The following ZFR variants were observed in gnomAD, a reference collection of about 807,000 sequenced individuals.
ZFR encodes zinc finger RNA-binding protein.
A neutral mutation model predicts 130.7 loss-of-function variants in ZFR; 19 were observed. The observed-to-expected ratio is 0.15, with a 90% CI of 0.10 to 0.21. The LOEUF (loss-of-function observed/expected upper bound fraction) is 0.21, where lower values mean the gene tolerates loss of function less well. Ranked by LOEUF, ZFR falls within the 10% of genes least tolerant of loss-of-function variation. The pLI, the probability that ZFR is intolerant of heterozygous loss-of-function variation, is 1.00. For synonymous variants in ZFR, 466 were observed against 456.9 expected (o/e 1.02, Z -0.25); for missense variants, 872 against 1,321.5 (o/e 0.66, Z 5.27).
chr5:32,391,539 T>A (rs999001562), intron 11 of ZFR, among the ~76,000 whole-genome samples: 1 of 151,856 alleles, frequency 6.6e-6, no homozygotes, highest in African/African-American at 2.4e-5. Context: ...TTTTTTTTTT[T>A]TTTTTACCAT....
At chr5:32,443,959 T>G (rs868426012) in intron 2 of ZFR, among the ~76,000 whole-genome samples, 2 of 151,996 alleles carry the variant, frequency 1.3e-5, no homozygotes, top group Admixed American at 6.5e-5. Context: ...AAGGGGCCGC[T>G]GAAGGGCCCT....
intron 6 of ZFR, among the ~76,000 whole-genome samples, chr5:32,406,497 C>G (rs1753582202): frequency 6.6e-6 from 1 of 152,116 alleles, no homozygotes; most frequent in Admixed American, 6.6e-5. Flanking sequence ...ATTAATTTGA[C>G]TACAAAATTT....
intron 2 of ZFR, among the ~76,000 whole-genome samples, chr5:32,428,714 G>A (rs1240090096): frequency 1.3e-5 from 2 of 152,190 alleles, no homozygotes; most frequent in Non-Finnish European, 2.9e-5. Context: ...AAAGCAGAGC[G>A]TCCCACCAGA....
intron 4 of ZFR, among the ~76,000 whole-genome samples, chr5:32,417,255 T>A (rs1753848723): frequency 6.6e-6 from 1 of 152,162 alleles, no homozygotes. Context: ...CCAACTGTCA[T>A]TAGCGATCAG....
chr5:32,437,501 G>T (rs968809091), intron 2 of ZFR, among the ~76,000 whole-genome samples: 1 of 152,132 alleles, frequency 6.6e-6, no homozygotes, highest in Admixed American at 6.5e-5. Context: ...ACTAAGAAAT[G>T]ATATACTCAG....
chr5:32,364,329 T>C, intron 17 of ZFR, 54 bp from the exon 18 acceptor site: 1 of 1,419,618 alleles, frequency 7.0e-7, no homozygotes, highest in Non-Finnish European at 9.6e-7. Context: ...AATTACTCAT[T>C]TTCAAACTAA....
intron 2 of ZFR, among the ~76,000 whole-genome samples, chr5:32,432,114 C>A (rs1263344120): frequency 6.6e-6 from 1 of 151,970 alleles, no homozygotes; most frequent in East Asian, 1.9e-4. Context: ...ACCTCAGCCT[C>A]CTGAGTAGCT....
chr5:32,390,472 G>A, intron 11 of ZFR, 35 bp from the exon 12 acceptor site: 2 of 1,578,432 alleles, frequency 1.3e-6, no homozygotes, highest in South Asian at 1.1e-5. Context: ...AAGCATATGA[G>A]GAAAAATACA....
intron 2 of ZFR, among the ~76,000 whole-genome samples, chr5:32,423,335 A>C (rs1753997854): frequency 6.6e-6 from 1 of 152,184 alleles, no homozygotes; most frequent in East Asian, 1.9e-4. Context: ...GTCTCAAAAA[A>C]AATTTTTTTT....
intron 10 of ZFR, among the ~76,000 whole-genome samples, chr5:32,397,014 A>G (rs1265852638): frequency 2.6e-5 from 4 of 152,202 alleles, no homozygotes; most frequent in Non-Finnish European, 4.4e-5. Flanking sequence ...AACTGATGAG[A>G]ATGTTATTCT....
chr5:32,438,091 T>C (rs754485972), intron 2 of ZFR, among the ~76,000 whole-genome samples: 13 of 152,150 alleles, frequency 8.5e-5, no homozygotes, highest in Non-Finnish European at 1.6e-4. Context: ...TATGACTTTT[T>C]TATCCTATTG....
At chr5:32,418,867 A>C (rs1056114165) in intron 3 of ZFR, among the ~76,000 whole-genome samples, 2 of 152,198 alleles carry the variant, frequency 1.3e-5, no homozygotes, top group Admixed American at 1.3e-4. Flanking sequence ...ATTAGGACCA[A>C]ATTTAATTTA....
Position 32,415,187 on chromosome 5 carries a change from G to A in ZFR, c.566C>T (p.Ala189Val). The A allele has an allele frequency of 6.2e-7, 1 of 1,613,610 alleles. No individual in the cohort carries two copies. Among genetic ancestry groups the A allele is most frequent in the Non-Finnish European group, 8.5e-7 (1 of 1,179,740 alleles). ...PSVAETYYQT[A>V]PKAGYSQGAT... is the part of the protein sequence containing the mutation. ...ACCTTGGCTGTAACCTGCTTTGGGG[G>A]CTGAAGTAGGAAAGAGACATCAGAA... The change falls in exon 5 of 20, where the codon GCC becomes GTC. Residue 189 changes from alanine (A) to valine (V), a missense_variant and splice_region_variant. Coordinates refer to ENST00000265069, the MANE Select transcript of ZFR (RefSeq NM_016107.5).
At chr5:32,418,998 G>GT (rs1212439378) in intron 3 of ZFR, among the ~76,000 whole-genome samples, 1 of 152,116 alleles carries the variant, frequency 6.6e-6, no homozygotes, top group Non-Finnish European at 1.5e-5. Flanking sequence ...GTTATAATAT[G>GT]TATTAAAAAA....
At chr5:32,406,229 T>C (rs1191006135) in intron 6 of ZFR, among the ~76,000 whole-genome samples, 1 of 152,196 alleles carries the variant, frequency 6.6e-6, no homozygotes, top group African/African-American at 2.4e-5. Context: ...GCCTCACTAA[T>C]TGGTATTTTT....
At chr5:32,415,243 T>C in intron 4 of ZFR, 56 bp from the exon 5 acceptor site, 12 of 1,383,538 alleles carry the variant, frequency 8.7e-6, no homozygotes, top group East Asian at 2.4e-5. Context: ...ATAGTTACTG[T>C]ACCAGTATCC....
intron 15 of ZFR, 130 bp from the exon 16 acceptor site, chr5:32,380,302 C>T (rs191228473): frequency 7.6e-4 from 418 of 551,728 alleles, no homozygotes; most frequent in Middle Eastern, 3.4e-3. Flanking sequence ...AATATATCCA[C>T]GGAGTTATTT....
chr5:32,363,623 C>T (rs932142806), intron 19 of ZFR, among the ~76,000 whole-genome samples: 13 of 152,128 alleles, frequency 8.5e-5, no homozygotes, highest in South Asian at 2.1e-4. Context: ...TTTGTACAAC[C>T]AGAGGACATA....
At chr5:32,365,102 GCT>G in intron 17 of ZFR, among the ~76,000 whole-genome samples, 1 of 152,108 alleles carries the variant, frequency 6.6e-6, no homozygotes, top group East Asian at 1.9e-4. Flanking sequence ...GTAATACGTG[GCT>G]CTGTGTTTGA....
Sources: gnomAD v4.1 joint callset for allele counts (sites outside exome capture counted in the v4.1 genomes callset) on GRCh38, gnomAD v4.1.1 for gene constraint, MANE v1.5 for transcripts, NCBI Gene and HGNC (gene_info 2026-07-23, HGNC 2026-07-21) for gene names.